ZNF521: variants seen among roughly 807,000 people sequenced by gnomAD.
ZNF521 encodes the protein LYST-interacting protein 3.
Under a neutral mutation model 105.5 loss-of-function variants are expected in ZNF521, and 14 were observed. The observed-to-expected ratio is 0.13, with a 90% CI of 0.09 to 0.21. The LOEUF (loss-of-function observed/expected upper bound fraction) is 0.21, where lower values mean the gene tolerates loss of function less well. Ranked by LOEUF, ZNF521 falls within the 10% of genes least tolerant of loss-of-function variation. ZNF521 has a pLI of 1.00. For missense variants in ZNF521, 1,233 were observed against 1,629.7 expected (o/e 0.76, Z 4.19); for synonymous variants, 635 against 606.0 (o/e 1.05, Z -0.70).
At position 25,105,159 on chromosome 18, in the gene ZNF521, G is replaced by A. The variant is rs574946675; in HGVS notation, c.3659-13078C>T. Among the ~76,000 whole-genome samples, 127 of 152,220 alleles carry A rather than the reference G, an allele frequency of 8.3e-4. 2 individuals are homozygous for A. The highest frequency in any genetic ancestry group is 1.6e-3 in the Non-Finnish European group (108 of 68,006). On this transcript the variant is annotated intron_variant, in intron 5 of 7. Transcript: ENST00000361524. The stretch of plus-strand genomic sequence containing the variant: ...CTACCAGATACTCACAATTCAGCTA[G>A]ACACGTCTCCAAAGGGAACATCGAG...
chr18:25,280,193 C>T (rs541570615), intron 3 of ZNF521, among the ~76,000 whole-genome samples: 15 of 152,334 alleles, frequency 9.8e-5, no homozygotes, highest in African/African-American at 3.4e-4. Flanking sequence ...GCCTCAGACT[C>T]TCCCAGTCCT....
chr18:25,257,821 G>C (rs74912829), intron 3 of ZNF521, among the ~76,000 whole-genome samples: 3 of 152,152 alleles, frequency 2.0e-5, no homozygotes, highest in Non-Finnish European at 4.4e-5. Flanking sequence ...CTTGGGAAGA[G>C]GTCCATATCC....
At chr18:25,190,135 C>T (rs1382707487) in intron 5 of ZNF521, among the ~76,000 whole-genome samples, 1 of 152,158 alleles carries the variant, frequency 6.6e-6, no homozygotes, top group Non-Finnish European at 1.5e-5. Context: ...CATTAAACTG[C>T]CCAGATTTCA....
intron 3 of ZNF521, among the ~76,000 whole-genome samples, chr18:25,288,482 G>A (rs2145018303): frequency 6.7e-6 from 1 of 149,992 alleles, no homozygotes; most frequent in South Asian, 2.1e-4. Flanking sequence ...TTCCAGATCC[G>A]TGGGTAGCTC....
At chr18:25,187,836 C>T (rs1287980881) in intron 5 of ZNF521, among the ~76,000 whole-genome samples, 4 of 152,102 alleles carry the variant, frequency 2.6e-5, no homozygotes, top group Non-Finnish European at 5.9e-5. Flanking sequence ...TCTCCTGAGA[C>T]TAGTAACAGG....
chr18:25,228,000 A>G lies in ZNF521; in HGVS notation c.221-303T>C, dbSNP rs796215824. On this transcript the variant is annotated intron_variant, in intron 3 of 7. Transcript: ENST00000361524. The surrounding 1 kb of genome is among the most constrained non-coding windows in gnomAD (Gnocchi z 5.7). ...GCAAGGTATATATTACACATTGACA[A>G]TTTTATTAAAATGCAGATTTTAATA... Among the ~76,000 whole-genome samples the G allele has an allele frequency of 4.6e-4, 70 of 152,318 alleles. No homozygotes were observed. The highest frequency in any genetic ancestry group is 1.5e-3 in the African/African-American group (64 of 41,562).
chr18:25,206,794 A>G (rs1405822712), intron 4 of ZNF521, among the ~76,000 whole-genome samples: 2 of 152,076 alleles, frequency 1.3e-5, no homozygotes, highest in Admixed American at 6.5e-5. Flanking sequence ...TTCTCCTTCA[A>G]ATCACTTCTA....
At chr18:25,262,678 C>A (rs1003199809) in intron 3 of ZNF521, among the ~76,000 whole-genome samples, 10 of 152,010 alleles carry the variant, frequency 6.6e-5, no homozygotes, top group Admixed American at 5.9e-4. Flanking sequence ...CAAATAAATA[C>A]AAGGAGAAAT....
At chr18:25,175,665 A>G (rs896057763) in intron 5 of ZNF521, among the ~76,000 whole-genome samples, 22 of 152,208 alleles carry the variant, frequency 1.4e-4, no homozygotes, top group African/African-American at 5.3e-4. Flanking sequence ...TTCACATGTC[A>G]CTTTTAATAG....
intron 3 of ZNF521, among the ~76,000 whole-genome samples, chr18:25,245,448 C>T (rs1907640114): frequency 6.6e-6 from 1 of 152,140 alleles, no homozygotes; most frequent in Non-Finnish European, 1.5e-5. Flanking sequence ...CACTCATATG[C>T]TTTTTAGTCT....
chr18:25,071,727 T>C (rs1401916694), intron 7 of ZNF521, among the ~76,000 whole-genome samples: 1 of 152,138 alleles, frequency 6.6e-6, no homozygotes, highest in Admixed American at 6.5e-5. Context: ...CTCAAGGTCT[T>C]AGAGTTAGTC....
chr18:25,154,441 TG>T (rs1159094994), intron 5 of ZNF521, among the ~76,000 whole-genome samples: 2 of 152,136 alleles, frequency 1.3e-5, no homozygotes. Context: ...TCTGATGGGA[TG>T]GTTCTAAGGA....
At chr18:25,145,182 C>G (rs1337946288) in intron 5 of ZNF521, among the ~76,000 whole-genome samples, 3 of 152,168 alleles carry the variant, frequency 2.0e-5, no homozygotes, top group Non-Finnish European at 4.4e-5. Flanking sequence ...CAGGGCTTTT[C>G]TGGCCATTGT....
chr18:25,092,386 T>C (rs916707776), intron 5 of ZNF521, among the ~76,000 whole-genome samples: 1 of 152,200 alleles, frequency 6.6e-6, no homozygotes, highest in African/African-American at 2.4e-5. Context: ...CTCATTACCA[T>C]GATTTTCTGG....
chr18:25,243,093 T>A (rs921321057), intron 3 of ZNF521, among the ~76,000 whole-genome samples: 2 of 152,188 alleles, frequency 1.3e-5, no homozygotes, highest in Non-Finnish European at 2.9e-5. Context: ...TTTGAGGAGA[T>A]CACCTGTAGA....
At chr18:25,213,941 A>G (rs1600163158) in intron 4 of ZNF521, among the ~76,000 whole-genome samples, 1 of 152,006 alleles carries the variant, frequency 6.6e-6, no homozygotes, top group Middle Eastern at 3.4e-3. Context: ...TTCTTCTTTT[A>G]TCTTCATTTG....
chr18:25,340,787 G>T (rs1175359278), intron 2 of ZNF521, among the ~76,000 whole-genome samples: 1 of 152,070 alleles, frequency 6.6e-6, no homozygotes, highest in African/African-American at 2.4e-5. Flanking sequence ...AGGGACACAG[G>T]GACAAAGATA....
intron 4 of ZNF521, among the ~76,000 whole-genome samples, chr18:25,203,442 C>A (rs2036026200): frequency 6.6e-6 from 1 of 152,062 alleles, no homozygotes; most frequent in Non-Finnish European, 1.5e-5. Flanking sequence ...GGTAGCAAGA[C>A]CCCATCTCCA....
chr18:25,177,590 T>C (rs1390962907), intron 5 of ZNF521, among the ~76,000 whole-genome samples: 1 of 152,028 alleles, frequency 6.6e-6, no homozygotes, highest in Non-Finnish European at 1.5e-5. Flanking sequence ...GCTATCTACA[T>C]GCACACCTAG....
Sources: gnomAD v4.1 joint callset for allele counts (sites outside exome capture counted in the v4.1 genomes callset) on GRCh38, gnomAD v4.1.1 for gene constraint, Gnocchi (gnomAD v3.1) non-coding constraint, MANE v1.5 for transcripts, NCBI Gene and HGNC (gene_info 2026-07-23, HGNC 2026-07-21) for gene names.